Variants in RALGPS1 observed in about 807,000 individuals in gnomAD.
RALGPS1 encodes the protein Ral GEF with PH domain and SH3 binding motif 1.
A neutral mutation model predicts 78.8 loss-of-function variants in RALGPS1; 19 were observed. That is an observed-to-expected ratio of 0.24 (90% CI 0.17 to 0.35). The LOEUF is 0.35. Among genes scored for constraint, RALGPS1 ranks in the 10% least tolerant of loss-of-function variants. The probability of loss-of-function intolerance (pLI) is 1.00; values close to 1 mark genes in which losing one functional copy is unlikely to be tolerated. For missense variants in RALGPS1, 454 were observed against 688.3 expected (o/e 0.66, Z 3.81); for synonymous variants, 228 against 256.3 (o/e 0.89, Z 1.06).
intron 7 of RALGPS1, among the ~76,000 whole-genome samples, chr9:127,056,523 C>T (rs1459976263): frequency 6.6e-6 from 1 of 152,188 alleles, no homozygotes; most frequent in Non-Finnish European, 1.5e-5. Flanking sequence ...AATCCAAGGA[C>T]TACATTTGGC....
Position 127,212,311 on chromosome 9 carries a change from C to A in RALGPS1, c.1353+75C>A. ...AAATAGTGCCCACTCCTAGAGGTCT[C>A]AGCAAAAGTCACATGCATGGCAGAG... On this transcript the variant is annotated intron_variant, in intron 15 of 18. Coordinates refer to ENST00000259351, the MANE Select transcript of RALGPS1 (RefSeq NM_014636.3). This position sits in a 1 kb window ranked among gnomAD's most constrained non-coding sequence, Gnocchi z 6.0. The A allele has an allele frequency of 8.7e-7, 1 of 1,147,064 alleles. No homozygotes were observed. Among genetic ancestry groups the A allele is most frequent in the South Asian group, 1.5e-5 (1 of 66,324 alleles). 71.1% of individuals were successfully genotyped at this position (1,147,064 alleles called of 1,614,324 possible). A position where few individuals can be genotyped will look rare whatever the true frequency, so the allele number is the denominator to read the frequency against.
intron 4 of RALGPS1, among the ~76,000 whole-genome samples, chr9:127,022,284 C>G (rs2045531287): frequency 6.6e-6 from 1 of 152,142 alleles, no homozygotes; most frequent in Non-Finnish European, 1.5e-5. Context: ...CAGCCCTTAA[C>G]AGGTATTTAT....
chr9:127,041,840 G>A (rs529476601), intron 5 of RALGPS1, among the ~76,000 whole-genome samples: 25 of 152,302 alleles, frequency 1.6e-4, no homozygotes, highest in African/African-American at 5.5e-4. Flanking sequence ...TAAGTGCAGG[G>A]CCCAAGGGAT....
intron 12 of RALGPS1, among the ~76,000 whole-genome samples, chr9:127,195,857 C>A (rs1333005306): frequency 6.6e-6 from 1 of 150,556 alleles, no homozygotes; most frequent in Admixed American, 6.6e-5. Flanking sequence ...CTACCTACCA[C>A]TTCCAAGGCA....
intron 8 of RALGPS1, among the ~76,000 whole-genome samples, chr9:127,162,992 G>T (rs1250638043): frequency 6.6e-6 from 1 of 152,118 alleles, no homozygotes; most frequent in Non-Finnish European, 1.5e-5. Flanking sequence ...TACTTTCCAG[G>T]GTTGGTGGCA....
At chr9:127,096,839 G>A (rs2053192324) in intron 8 of RALGPS1, among the ~76,000 whole-genome samples, 1 of 152,182 alleles carries the variant, frequency 6.6e-6, no homozygotes, top group Non-Finnish European at 1.5e-5. Flanking sequence ...TAGCCAGTGT[G>A]TACTGAGCAT....
At chr9:126,959,997 A>G (rs1308533824) in intron 1 of RALGPS1, among the ~76,000 whole-genome samples, 1 of 152,156 alleles carries the variant, frequency 6.6e-6, no homozygotes, top group Non-Finnish European at 1.5e-5. Flanking sequence ...GGCTCACAGG[A>G]TAGAACTGAG....
intron 4 of RALGPS1, among the ~76,000 whole-genome samples, chr9:126,983,895 G>C (rs2041554784): frequency 6.6e-6 from 1 of 151,874 alleles, no homozygotes; most frequent in South Asian, 2.1e-4. Context: ...GTGGTGCTGG[G>C]TACTTTGTAT....
chr9:126,997,177 A>G (rs183134397), intron 4 of RALGPS1, among the ~76,000 whole-genome samples: 1 of 152,192 alleles, frequency 6.6e-6, no homozygotes, highest in Non-Finnish European at 1.5e-5. Context: ...TGGAAGTTCT[A>G]GCCAGGGCAT....
chr9:127,132,560 C>G (rs1333998825), intron 8 of RALGPS1, among the ~76,000 whole-genome samples: 2 of 152,230 alleles, frequency 1.3e-5, no homozygotes, highest in Non-Finnish European at 2.9e-5. Context: ...GTGCCCAGCA[C>G]AGTGCTTGAC....
chr9:127,024,227 A>G (rs1465161071), intron 4 of RALGPS1, among the ~76,000 whole-genome samples: 2 of 151,932 alleles, frequency 1.3e-5, no homozygotes, highest in Non-Finnish European at 2.9e-5. Context: ...GTCATCTACT[A>G]AAAATTATTT....
intron 12 of RALGPS1, among the ~76,000 whole-genome samples, 197 bp downstream of exon 12, chr9:127,195,414 G>A (rs1233620922): frequency 6.6e-6 from 1 of 152,192 alleles, no homozygotes; most frequent in Non-Finnish European, 1.5e-5. Context: ...GGGGCACTGT[G>A]GCAGCACTGA....
chr9:126,972,076 C>G (rs1179896131), intron 3 of RALGPS1, among the ~76,000 whole-genome samples: 3 of 152,106 alleles, frequency 2.0e-5, no homozygotes, highest in Non-Finnish European at 4.4e-5. Context: ...GATTCCAAGC[C>G]TGGGAAAGGA....
At chr9:127,203,064 T>G (rs1218623190) in intron 14 of RALGPS1, among the ~76,000 whole-genome samples, 1 of 152,204 alleles carries the variant, frequency 6.6e-6, no homozygotes, top group African/African-American at 2.4e-5. Flanking sequence ...TTCTGCCTGA[T>G]TTGGAAAGCA....
intron 10 of RALGPS1, among the ~76,000 whole-genome samples, chr9:127,169,237 T>C (rs900226715): frequency 1.3e-5 from 2 of 152,162 alleles, no homozygotes; most frequent in South Asian, 4.1e-4. Flanking sequence ...AGAGCCTGTT[T>C]CATGGATGAG....
At chr9:126,979,701 AG>A (rs1217041256) in intron 4 of RALGPS1, among the ~76,000 whole-genome samples, 2 of 152,200 alleles carry the variant, frequency 1.3e-5, no homozygotes, top group African/African-American at 4.8e-5. Flanking sequence ...ACTTTTCCCC[AG>A]GGTGCTGCAG....
intron 9 of RALGPS1, among the ~76,000 whole-genome samples, chr9:127,168,275 T>A (rs1476982310): frequency 1.3e-5 from 2 of 152,164 alleles, no homozygotes; most frequent in African/African-American, 4.8e-5. Flanking sequence ...GGTGGGTAGA[T>A]ATAGGAGGCT....
At chr9:127,184,778 G>A (rs554153431) in intron 11 of RALGPS1, among the ~76,000 whole-genome samples, 1 of 152,378 alleles carries the variant, frequency 6.6e-6, no homozygotes, top group African/African-American at 2.4e-5. Context: ...TCAGCGTGGG[G>A]CAGAGGCTGG....
intron 4 of RALGPS1, among the ~76,000 whole-genome samples, chr9:127,024,874 T>G (rs2045828742): frequency 6.6e-6 from 1 of 152,228 alleles, no homozygotes; most frequent in Non-Finnish European, 1.5e-5. Flanking sequence ...GACCTTCCTT[T>G]GCAATGCTCT....
Sources: gnomAD v4.1 joint callset for allele counts (sites outside exome capture counted in the v4.1 genomes callset) on GRCh38, gnomAD v4.1.1 for gene constraint, Gnocchi (gnomAD v3.1) non-coding constraint, MANE v1.5 for transcripts, NCBI Gene and HGNC (gene_info 2026-07-23, HGNC 2026-07-21) for gene names.